Variants in FAM124B observed in about 807,000 individuals in gnomAD.
FAM124B encodes the protein family with sequence similarity 124 member B, also known as protein FAM124B.
FAM124B carries 18 observed loss-of-function variants against 19.7 expected under a neutral mutation model. The ratio of observed to expected loss-of-function variants is 0.92; its 90% CI spans 0.63 to 1.36. The LOEUF (loss-of-function observed/expected upper bound fraction) is 1.36. Among genes scored for constraint, FAM124B ranks in the 40% most tolerant of loss-of-function variants. The probability of loss-of-function intolerance (pLI) is 0.00; values close to 1 mark genes in which losing one functional copy is unlikely to be tolerated. For synonymous variants in FAM124B, 223 were observed against 225.2 expected, an observed-to-expected ratio of 0.99 and a Z score of 0.09; for missense variants, 540 against 553.3, an observed-to-expected ratio of 0.98 and a Z score of 0.24.
At chr2:224,388,405 A>G (rs1689831417) in intron 1 of FAM124B, among the ~76,000 whole-genome samples, 1 of 152,264 alleles carries the variant, frequency 6.6e-6, no homozygotes, top group Non-Finnish European at 1.5e-5. Context: ...AAAGTAAATG[A>G]AATTGTAATA....
chr2:224,401,649 C>A lies in FAM124B; in HGVS notation c.120G>T (p.Arg40=). The change falls in exon 1 of 2, where the codon CGG becomes CGT. Residue 40 remains arginine (R), a synonymous_variant. Coordinates refer to ENST00000409685, the MANE Select transcript of FAM124B (RefSeq NM_001122779.2). Reference sequence around the variant, plus strand: ...TGGCCCGTTCAGACACCTGAAAGAGCCGGACCTCTGGGCAAATGCAATCCA... The same window carrying A: ...TGGCCCGTTCAGACACCTGAAAGAGACGGACCTCTGGGCAAATGCAATCCA... ...QLLDCICPEV[R]LFQVSERASP... The A allele has an allele frequency of 6.2e-7, 1 of 1,614,186 alleles. No individual in the cohort carries two copies. The highest frequency in any genetic ancestry group is 1.1e-5 in the South Asian group (1 of 91,082).
chr2:224,387,884 C>G (rs368561577), intron 1 of FAM124B, among the ~76,000 whole-genome samples: 1 of 152,174 alleles, frequency 6.6e-6, no homozygotes, highest in Non-Finnish European at 1.5e-5. Context: ...CCACTATGTT[C>G]TTTTATTTTA....
chr2:224,381,288 C>G (rs972593815), intron 1 of FAM124B, among the ~76,000 whole-genome samples: 1 of 152,040 alleles, frequency 6.6e-6, no homozygotes, highest in East Asian at 1.9e-4. Flanking sequence ...AAGACCCCAT[C>G]TTTACAAAAA....
chr2:224,392,181 A>C (rs939238238), intron 1 of FAM124B, among the ~76,000 whole-genome samples: 2 of 152,188 alleles, frequency 1.3e-5, no homozygotes, highest in African/African-American at 2.4e-5. Context: ...GGTGGCTCAC[A>C]TGCCTGTTAT....
chr2:224,391,341 C>CAA (rs754536476), intron 1 of FAM124B, among the ~76,000 whole-genome samples: 24 of 67,354 alleles, frequency 3.6e-4, no homozygotes, highest in East Asian at 1.4e-3. Context: ...ACTCTTGTCT[C>CAA]AAAAAAAAAA....
rs150639921 is a variant in FAM124B at position 224,381,967 on chromosome 2, T to TAC, written c.733-1761_733-1760dup. Among the ~76,000 whole-genome samples the TAC allele has an allele frequency of 7.7e-3, 1,169 of 151,228 alleles. 5 individuals carry two copies. Among genetic ancestry groups the TAC allele is most frequent in the East Asian group, 0.027 (138 of 5,172 alleles). On this transcript the variant is annotated intron_variant, in intron 1 of 1. Transcript: ENST00000409685. ...AGAAATCAGTAAATTCTCTCTCTCA[T>TAC]ACACACACACACACACTCACACAGA...
rs147767140 is a variant in FAM124B, at chr2:224,400,999, C to T, written c.732+38G>A. 3.0e-4 allele frequency: 461 copies of T among 1,550,182 alleles called. No individual in the cohort carries two copies. In the East Asian group the frequency reaches 8.6e-3, roughly 29 times the overall value. On this transcript the variant is annotated intron_variant, in intron 1 of 1. Transcript: ENST00000409685. ...ATTCCGATGTAAAATTACACAGCTC[C>T]ATGAGCCTCTACAAGATCTGAGACA...
At chr2:224,398,592 A>T (rs2106089269) in intron 1 of FAM124B, among the ~76,000 whole-genome samples, 1 of 152,320 alleles carries the variant, frequency 6.6e-6, no homozygotes, top group African/African-American at 2.4e-5. Context: ...TTGACTTAAC[A>T]AGAGGAGATC....
intron 1 of FAM124B, among the ~76,000 whole-genome samples, chr2:224,381,248 A>T (rs1026063220): frequency 1.3e-5 from 2 of 152,170 alleles, no homozygotes; most frequent in African/African-American, 4.8e-5. Context: ...ACTTGAGGCC[A>T]GGAGTTCAAG....
intron 1 of FAM124B, among the ~76,000 whole-genome samples, chr2:224,390,171 G>C (rs1689858493): frequency 7.1e-6 from 1 of 139,998 alleles, no homozygotes; most frequent in African/African-American, 2.8e-5. Flanking sequence ...AAAAGGAATA[G>C]TCAGAGAGAA....
intron 1 of FAM124B, among the ~76,000 whole-genome samples, chr2:224,391,275 A>G (rs544136845): frequency 7.2e-4 from 107 of 147,982 alleles, no homozygotes; most frequent in African/African-American, 2.5e-3. Flanking sequence ...CGGGAGGCGG[A>G]GGTTGCAATG....
intron 1 of FAM124B, among the ~76,000 whole-genome samples, chr2:224,388,027 C>G (rs115058910): frequency 4.9e-4 from 75 of 152,240 alleles, no homozygotes; most frequent in African/African-American, 1.7e-3. Flanking sequence ...TTCCTGAAAA[C>G]AGGTAGTCAG....
intron 1 of FAM124B, among the ~76,000 whole-genome samples, chr2:224,387,798 G>A (rs546861736): frequency 1.3e-5 from 2 of 152,272 alleles, no homozygotes; most frequent in East Asian, 3.9e-4. Context: ...GTGTACAGCT[G>A]AGAGACTCAG....
chr2:224,388,819 C>T (rs941204260), intron 1 of FAM124B, among the ~76,000 whole-genome samples: 1 of 152,096 alleles, frequency 6.6e-6, no homozygotes, highest in South Asian at 2.1e-4. Flanking sequence ...ACATATTTTG[C>T]CACAATACAT....
At chr2:224,388,928 A>G (rs1375955218) in intron 1 of FAM124B, among the ~76,000 whole-genome samples, 4 of 151,898 alleles carry the variant, frequency 2.6e-5, no homozygotes, top group Non-Finnish European at 1.5e-5. Context: ...CGGCAAAGGG[A>G]GATTCTTTTT....
At chr2:224,394,876 G>A (rs1298780393) in intron 1 of FAM124B, among the ~76,000 whole-genome samples, 1 of 152,162 alleles carries the variant, frequency 6.6e-6, no homozygotes, top group African/African-American at 2.4e-5. Flanking sequence ...CCTGCAGGCT[G>A]CCTGGTACTG....
chr2:224,396,954 A>G (rs1308509769), intron 1 of FAM124B, among the ~76,000 whole-genome samples: 2 of 152,180 alleles, frequency 1.3e-5, no homozygotes, highest in Non-Finnish European at 2.9e-5. Flanking sequence ...TAAGGCCTGG[A>G]CTACTCACTT....
At chr2:224,390,820 C>G (rs1181070694) in intron 1 of FAM124B, among the ~76,000 whole-genome samples, 11 of 151,612 alleles carry the variant, frequency 7.3e-5, no homozygotes, top group African/African-American at 2.7e-4. Context: ...CCTGCCTCAG[C>G]CTCCCGAGTA....
At position 224,379,224 on chromosome 2, in the gene FAM124B, C is replaced by T; in HGVS notation, c.*349G>A. Reference sequence around the variant, plus strand: ...GTAAAAATTAAAACCAAATTACAGACACTAATTAGTGTTGTATAACATACC... The same window carrying T: ...GTAAAAATTAAAACCAAATTACAGATACTAATTAGTGTTGTATAACATACC... On this transcript the variant is annotated 3_prime_UTR_variant, in exon 2 of 2. Transcript: ENST00000409685. 5.2e-6 allele frequency: 1 copy of T among 191,640 alleles called. No homozygotes were observed. Among genetic ancestry groups the T allele is most frequent in the Non-Finnish European group, 1.1e-5 (1 of 92,114 alleles). 11.9% of individuals were successfully genotyped at this position (191,640 alleles called of 1,614,324 possible). A position where few individuals can be genotyped will look rare whatever the true frequency, so the allele number is the denominator to read the frequency against.
Sources: allele counts gnomAD v4.1 joint callset (sites outside exome capture counted in the v4.1 genomes callset), GRCh38; gene constraint gnomAD v4.1.1; transcripts MANE v1.5; gene names NCBI Gene and HGNC (gene_info 2026-07-23, HGNC 2026-07-21).